Variants in RRH observed in about 807,000 individuals in gnomAD.
RRH encodes the protein retinal pigment epithelium-derived rhodopsin homolog, also known as visual pigment-like receptor peropsin.
Under a neutral mutation model 33.1 loss-of-function variants are expected in RRH, and 36 were observed. That is an observed-to-expected ratio of 1.09 (90% CI 0.83 to 1.44). RRH has a LOEUF of 1.44. Among genes scored for constraint, RRH ranks in the 40% most tolerant of loss-of-function variants. The pLI is 0.00. For missense variants in RRH, 393 were observed against 420.2 expected, an observed-to-expected ratio of 0.94 and a Z score of 0.57; for synonymous variants, 124 against 140.2, an observed-to-expected ratio of 0.88 and a Z score of 0.82.
In RRH at chr4:109,833,182, C is replaced by G; in HGVS notation, c.150C>G (p.Phe50Leu). The change falls in exon 2 of 7, where the codon TTC becomes TTG. Residue 50 changes from phenylalanine to leucine, a missense_variant. Transcript: ENST00000317735. ...GCAACATAATAGTTCTGGGCATCTT[C>G]ATTAAGTACAAGGAACTTCGGACAC... Reference protein sequence around the residue: ...IISNIIVLGIFIKYKELRTPT... With the variant: ...IISNIIVLGILIKYKELRTPT... 1 of 1,613,776 alleles carries G rather than the reference C, an allele frequency of 6.2e-7. No individual in the cohort carries two copies. The highest frequency in any genetic ancestry group is 8.5e-7 in the Non-Finnish European group (1 of 1,179,712).
At position 109,832,704 on chromosome 4, in the gene RRH, ATGATAAT is replaced by A. The variant is rs571177784; in HGVS notation, c.107-431_107-425del. ...GTGACAAAAGTGCTGTGAGGATAGA[ATGATAAT>A]TGAAGCTTGAGAAAGGCAACTATCG... On this transcript the variant is annotated intron_variant, in intron 1 of 6. Transcript: ENST00000317735. Among the ~76,000 whole-genome samples the A allele has an allele frequency of 3.9e-4, 59 of 152,234 alleles. No homozygotes were observed. In the East Asian group the frequency reaches 6.8e-3, roughly 17 times the overall value.
chr4:109,828,915 C>T (rs1560582766), intron 1 of RRH, among the ~76,000 whole-genome samples: 1 of 151,942 alleles, frequency 6.6e-6, no homozygotes, highest in Non-Finnish European at 1.5e-5. Context: ...CCTTTCCTCC[C>T]TACACACTCA....
intron 5 of RRH, among the ~76,000 whole-genome samples, chr4:109,841,476 A>T (rs922269392): frequency 6.6e-6 from 1 of 152,094 alleles, no homozygotes; most frequent in Non-Finnish European, 1.5e-5. Flanking sequence ...AGGGGAAGTT[A>T]CTGAGTAGAC....
At position 109,833,235 on chromosome 4, in the gene RRH, C is replaced by T; in HGVS notation, c.203C>T (p.Ala68Val). The T allele has an allele frequency of 6.2e-7, 1 of 1,613,198 alleles. No individual in the cohort carries two copies. The highest frequency in any genetic ancestry group is 1.3e-5 in the African/African-American group (1 of 75,014). Residue 68 changes from alanine (A) to valine (V), a missense_variant, in exon 2 of 7, where the codon GCT becomes GTT. Coordinates refer to ENST00000317735, the MANE Select transcript of RRH (RefSeq NM_006583.5). Reference sequence around the variant, plus strand: ...ACAAATGCAATTATTATTAACCTGGCTGTTACTGATATAGGGGTCAGTAGC... The same window carrying T: ...ACAAATGCAATTATTATTAACCTGGTTGTTACTGATATAGGGGTCAGTAGC... ...TPTNAIIINL[A>V]VTDIGVSSIG...
At chr4:109,842,777 G>T (rs950580831) in intron 6 of RRH, 130 bp downstream of exon 6, 11 of 773,202 alleles carry the variant, frequency 1.4e-5, no homozygotes, top group Non-Finnish European at 2.4e-5. Context: ...CATGTGACTG[G>T]AGCAGCATCT....
At chr4:109,831,944 G>A (rs1733763962) in intron 1 of RRH, among the ~76,000 whole-genome samples, 1 of 151,996 alleles carries the variant, frequency 6.6e-6, no homozygotes, top group African/African-American at 2.4e-5. Context: ...CAGAAGTTCT[G>A]ACTGAAGTGC....
At chr4:109,837,750 T>C (rs1651141935) in intron 5 of RRH, 145 bp downstream of exon 5, 1 of 699,718 alleles carries the variant, frequency 1.4e-6, no homozygotes, top group Non-Finnish European at 2.5e-6. Context: ...TGCTTCCTCA[T>C]TTCTTTTTTT....
intron 5 of RRH, among the ~76,000 whole-genome samples, chr4:109,841,907 A>G (rs1286217058): frequency 6.6e-6 from 1 of 152,174 alleles, no homozygotes; most frequent in Non-Finnish European, 1.5e-5. Flanking sequence ...CCTTTACAAA[A>G]TTGTCTGCAT....
intron 5 of RRH, among the ~76,000 whole-genome samples, chr4:109,841,000 C>T (rs570093896): frequency 5.9e-5 from 9 of 152,084 alleles, no homozygotes; most frequent in Admixed American, 5.9e-4. Context: ...TTCTAACTTC[C>T]AAACTCAATC....
At chr4:109,843,239 G>GTC (rs1181527752) in intron 6 of RRH, among the ~76,000 whole-genome samples, 1 of 152,206 alleles carries the variant, frequency 6.6e-6, no homozygotes, top group Non-Finnish European at 1.5e-5. Flanking sequence ...TTTAGACGGA[G>GTC]TCTCTCTCTG....
At position 109,835,418 on chromosome 4, in the gene RRH, C is replaced by A; in HGVS notation, c.350C>A (p.Thr117Lys). The A allele has an allele frequency of 6.2e-7, 1 of 1,614,054 alleles. No individual in the cohort carries two copies. The highest frequency in any genetic ancestry group is 8.5e-7 in the Non-Finnish European group (1 of 1,179,986). ...FFGMASIGLL[T>K]VVAVDRYLTI... is the part of the protein sequence containing the mutation. ...GGAATGGCAAGCATTGGATTACTCA[C>A]GGTCGTGGCTGTGGACCGATACCTG... Residue 117 changes from threonine (T) to lysine (K), a missense_variant, in exon 3 of 7, where the codon ACG becomes AAG. Coordinates refer to ENST00000317735, the MANE Select transcript of RRH (RefSeq NM_006583.5).
intron 1 of RRH, 146 bp from the exon 2 acceptor site, chr4:109,832,993 A>G: frequency 1.5e-6 from 1 of 683,010 alleles, no homozygotes; most frequent in Non-Finnish European, 2.6e-6. Context: ...TGTCACATAC[A>G]GTTTTAAGAA....
At chr4:109,832,444 A>G (rs1733775270) in intron 1 of RRH, among the ~76,000 whole-genome samples, 1 of 147,534 alleles carries the variant, frequency 6.8e-6, no homozygotes, top group Admixed American at 6.8e-5. Context: ...AGCTGGCTCA[A>G]CTTCCTCTCT....
At chr4:109,837,313 T>C (rs976245982) in intron 4 of RRH, 124 bp from the exon 5 acceptor site, 53 of 915,756 alleles carry the variant, frequency 5.8e-5, no homozygotes, top group African/African-American at 8.3e-5. Flanking sequence ...AAGTCAAATA[T>C]ACTTCTAAAA....
At chr4:109,837,357 T>A in intron 4 of RRH, 80 bp from the exon 5 acceptor site, 1 of 1,236,648 alleles carries the variant, frequency 8.1e-7, no homozygotes, top group Admixed American at 1.8e-5. Flanking sequence ...CAGTATTGTT[T>A]TTAATAATTA....
At chr4:109,834,985 G>A (rs893546458) in intron 2 of RRH, among the ~76,000 whole-genome samples, 3 of 152,022 alleles carry the variant, frequency 2.0e-5, no homozygotes, top group African/African-American at 4.8e-5. Flanking sequence ...ATGCTAATGG[G>A]CTTGTGTGAA....
At chr4:109,843,941 C>T (rs1234890515) in intron 6 of RRH, 142 bp from the exon 7 acceptor site, 3 of 655,696 alleles carry the variant, frequency 4.6e-6, no homozygotes, top group Non-Finnish European at 8.4e-6. Context: ...TAAAGGTTCT[C>T]AACAGGACAT....
At chr4:109,838,660 T>C (rs1045593308) in intron 5 of RRH, among the ~76,000 whole-genome samples, 3 of 152,248 alleles carry the variant, frequency 2.0e-5, no homozygotes, top group African/African-American at 7.2e-5. Context: ...TTGCCTGGTC[T>C]AGAATTCTAG....
chr4:109,843,526 T>G (rs996017476), intron 6 of RRH, among the ~76,000 whole-genome samples: 1 of 152,170 alleles, frequency 6.6e-6, no homozygotes, highest in African/African-American at 2.4e-5. Flanking sequence ...GGTAATTTTA[T>G]CCTGGAATGG....
Sources: gnomAD v4.1 joint callset for allele counts (sites outside exome capture counted in the v4.1 genomes callset) on GRCh38, gnomAD v4.1.1 for gene constraint, MANE v1.5 for transcripts, NCBI Gene and HGNC (gene_info 2026-07-23, HGNC 2026-07-21) for gene names.